The following CTHRC1 variants were observed in gnomAD, a reference collection of about 807,000 sequenced individuals.
CTHRC1 encodes the protein collagen triple helix repeat-containing protein 1.
A neutral mutation model predicts 25.9 loss-of-function variants in CTHRC1; 21 were observed. The observed-to-expected ratio is 0.81, with a 90% CI of 0.57 to 1.17. The LOEUF (loss-of-function observed/expected upper bound fraction) is 1.17. Among genes scored for constraint, CTHRC1 ranks in the 50% most tolerant of loss-of-function variants. The pLI is 0.00. For synonymous variants in CTHRC1, 109 were observed against 113.1 expected (o/e 0.96, Z 0.23); for missense variants, 281 against 304.3 (o/e 0.92, Z 0.57).
intron 3 of CTHRC1, among the ~76,000 whole-genome samples, chr8:103,379,316 C>T (rs1392111736): frequency 6.6e-6 from 1 of 152,062 alleles, no homozygotes; most frequent in Non-Finnish European, 1.5e-5. Context: ...CTGGCAGGAT[C>T]ACAGCTCACT....
chr8:103,375,992 ATT>A (rs1466804010), intron 2 of CTHRC1, 33 bp downstream of exon 2: 1 of 1,520,688 alleles, frequency 6.6e-7, no homozygotes, highest in African/African-American at 1.4e-5. Context: ...TTGAAGCAAG[ATT>A]TAAGGGTTTT....
In CTHRC1 at chr8:103,371,569, T is replaced by TCGGAGCGCGGCGGAGCCAGACG. The variant is rs1815694087; in HGVS notation, c.-86_-65dup. 7.0e-7 allele frequency: 1 copy of TCGGAGCGCGGCGGAGCCAGACG among 1,428,944 alleles called. No individual in the cohort carries two copies. Among genetic ancestry groups the TCGGAGCGCGGCGGAGCCAGACG allele is most frequent in the African/African-American group, 1.5e-5 (1 of 67,138 alleles). The allele number at this position is 1,428,944 out of a possible 1,614,324, so 88.5% of individuals were successfully genotyped here. ...CGCATTGATGCAGCCTGCGGCGGCC[T>TCGGAGCGCGGCGGAGCCAGACG]CGGAGCGCGGCGGAGCCAGACGCTG... On this transcript the variant is annotated 5_prime_UTR_variant, in exon 1 of 4. It removes the in-frame stop codon of an upstream open reading frame in the 5' UTR. Coordinates refer to ENST00000330295, the MANE Select transcript of CTHRC1 (RefSeq NM_138455.4).
rs1332812910 is a variant in CTHRC1, at chr8:103,375,964, G to A, written c.372+5G>A. The A allele has an allele frequency of 6.2e-7, 1 of 1,603,502 alleles. No individual in the cohort carries two copies. Among genetic ancestry groups the A allele is most frequent in the Non-Finnish European group, 8.5e-7 (1 of 1,171,362 alleles). On this transcript the variant is annotated splice_donor_5th_base_variant and intron_variant, in intron 2 of 3. Transcript: ENST00000330295. ...ATAGATCTTGGGAAAATTGCGGTAA[G>A]TTTGAATTATTTTAAAATTGAAGCA...
intron 3 of CTHRC1, among the ~76,000 whole-genome samples, chr8:103,381,958 A>C (rs1815919131): frequency 6.6e-6 from 1 of 152,122 alleles, no homozygotes; most frequent in African/African-American, 2.4e-5. Flanking sequence ...AGATTGCGCC[A>C]GTGCACTCCA....
chr8:103,378,717 C>T lies in CTHRC1; in HGVS notation c.589+474C>T, dbSNP rs148248052. Among the ~76,000 whole-genome samples the T allele has an allele frequency of 3.8e-3, 583 of 152,150 alleles. 5 individuals are homozygous for T. The highest frequency in any genetic ancestry group is 0.014 in the African/African-American group (561 of 41,510). Reference sequence around the variant, plus strand: ...GGTGCAGACTTGGCAATGGGACTTTCGAAGTATCTCTTGGTAGGCTGGGCG... The same window carrying T: ...GGTGCAGACTTGGCAATGGGACTTTTGAAGTATCTCTTGGTAGGCTGGGCG... On this transcript the variant is annotated intron_variant, in intron 3 of 3. Transcript: ENST00000330295.
At chr8:103,374,418 A>C (rs958167557) in intron 1 of CTHRC1, among the ~76,000 whole-genome samples, 13 of 152,228 alleles carry the variant, frequency 8.5e-5, no homozygotes, top group African/African-American at 2.9e-4. Flanking sequence ...GTTAGAGTAA[A>C]CATTTAAATG....
intron 3 of CTHRC1, among the ~76,000 whole-genome samples, chr8:103,378,853 A>T (rs1454096658): frequency 6.6e-6 from 1 of 152,046 alleles, no homozygotes; most frequent in East Asian, 1.9e-4. Context: ...CATCTCTACA[A>T]AAAAAATACC....
intron 3 of CTHRC1, among the ~76,000 whole-genome samples, chr8:103,381,134 A>C (rs954121721): frequency 2.0e-5 from 3 of 151,952 alleles, no homozygotes; most frequent in Non-Finnish European, 2.9e-5. Flanking sequence ...TCTAGGGTAC[A>C]TGTGCATAAC....
rs895703383 is a variant in CTHRC1, at chr8:103,382,719, A to G, written c.*119A>G. 3 of 923,880 alleles carry G rather than the reference A, an allele frequency of 3.2e-6. No individual in the cohort carries two copies. The highest frequency in any genetic ancestry group is 5.4e-6 in the Non-Finnish European group (3 of 559,272). The allele number at this position is 923,880 out of a possible 1,614,324, so 57.2% of individuals were successfully genotyped here. Reference sequence around the variant, plus strand: ...ATGAAAAGCAAAGCTAAATATGTTTACAGACCAAAGTGTGATTTCACACTG... The same window carrying G: ...ATGAAAAGCAAAGCTAAATATGTTTGCAGACCAAAGTGTGATTTCACACTG... On this transcript the variant is annotated 3_prime_UTR_variant, in exon 4 of 4. Coordinates refer to ENST00000330295, the MANE Select transcript of CTHRC1 (RefSeq NM_138455.4).
At chr8:103,380,542 G>A (rs1354525701) in intron 3 of CTHRC1, among the ~76,000 whole-genome samples, 2 of 152,208 alleles carry the variant, frequency 1.3e-5, no homozygotes, top group Non-Finnish European at 2.9e-5. Flanking sequence ...ACAAATGGTT[G>A]TCATCTGTTA....
At chr8:103,382,353 A>C in intron 3 of CTHRC1, 105 bp from the exon 4 acceptor site, 1 of 1,167,104 alleles carries the variant, frequency 8.6e-7, no homozygotes, top group South Asian at 1.3e-5. Context: ...AAGTAGCATT[A>C]CATTAAACAG....
intron 1 of CTHRC1, chr8:103,372,609 A>G (rs755644928): frequency 6.3e-7 from 1 of 1,598,256 alleles, no homozygotes; most frequent in South Asian, 1.1e-5. Flanking sequence ...AGTTTCCAGG[A>G]AACTGGAAAT....
intron 1 of CTHRC1, among the ~76,000 whole-genome samples, chr8:103,374,022 C>T (rs958330578): frequency 6.6e-6 from 1 of 152,022 alleles, no homozygotes; most frequent in Non-Finnish European, 1.5e-5. Flanking sequence ...TTTTAAAATG[C>T]TTTACTTTTT....
intron 1 of CTHRC1, 123 bp downstream of exon 1, chr8:103,371,929 G>A: frequency 1.0e-6 from 1 of 959,750 alleles, no homozygotes; most frequent in Middle Eastern, 3.5e-4. Context: ...TGTGTCGTGT[G>A]TCTTGCTGCG....
chr8:103,379,368 CT>C (rs1159415536), intron 3 of CTHRC1, among the ~76,000 whole-genome samples: 5 of 152,002 alleles, frequency 3.3e-5, no homozygotes, highest in Admixed American at 6.6e-5. Context: ...TCCTGCTCAG[CT>C]TCCCAAAGTG....
intron 1 of CTHRC1, 100 bp downstream of exon 1, chr8:103,371,906 G>A: frequency 8.3e-7 from 1 of 1,205,886 alleles, no homozygotes; most frequent in South Asian, 1.6e-5. Context: ...GGGGGTGTCT[G>A]TCTGTACAGC....
At chr8:103,377,425 A>G (rs1244091358) in intron 2 of CTHRC1, 4 of 154,576 alleles carry the variant, frequency 2.6e-5, no homozygotes, top group Non-Finnish European at 5.7e-5. Context: ...AAATATATAA[A>G]TTGATTTTAT....
intron 1 of CTHRC1, 44 bp from the exon 2 acceptor site, chr8:103,375,694 C>T (rs946948667): frequency 1.6e-5 from 24 of 1,519,972 alleles, no homozygotes; most frequent in East Asian, 2.3e-5. Flanking sequence ...GTCTTTGACT[C>T]TTAAGTGGTG....
chr8:103,374,084 T>A (rs952367823), intron 1 of CTHRC1, among the ~76,000 whole-genome samples: 9 of 152,218 alleles, frequency 5.9e-5, no homozygotes, highest in Admixed American at 2.0e-4. Flanking sequence ...TTCTTTTTTT[T>A]AACTATTTCT....
Sources: allele counts gnomAD v4.1 joint callset (sites outside exome capture counted in the v4.1 genomes callset), GRCh38; gene constraint gnomAD v4.1.1; transcripts MANE v1.5; gene names NCBI Gene and HGNC (gene_info 2026-07-23, HGNC 2026-07-21).